The following SYT9 variants were observed in gnomAD, a reference collection of about 807,000 sequenced individuals.
The protein encoded by SYT9 is synaptotagmin-9.
A neutral mutation model predicts 48.4 loss-of-function variants in SYT9; 22 were observed. The observed-to-expected ratio is 0.45, with a 90% CI of 0.32 to 0.65. The LOEUF (loss-of-function observed/expected upper bound fraction) is 0.65. SYT9 is among the 30% of genes least tolerant of loss of function. The pLI is 0.03. For missense variants in SYT9, 577 were observed against 622.0 expected (o/e 0.93, Z 0.77); for synonymous variants, 265 against 245.0 (o/e 1.08, Z -0.76).
chr11:7,408,513 T>C (rs1467960304), intron 3 of SYT9, among the ~76,000 whole-genome samples: 1 of 152,220 alleles, frequency 6.6e-6, no homozygotes, highest in African/African-American at 2.4e-5. Flanking sequence ...CTTCAATTTC[T>C]TCATTAGTGT....
intron 1 of SYT9, among the ~76,000 whole-genome samples, chr11:7,286,497 C>A (rs903293063): frequency 2.0e-5 from 3 of 152,202 alleles, no homozygotes; most frequent in Non-Finnish European, 4.4e-5. Context: ...CTCTGACATG[C>A]CTTGGAGACA....
chr11:7,269,528 C>A (rs1486796364), intron 1 of SYT9, among the ~76,000 whole-genome samples: 1 of 152,076 alleles, frequency 6.6e-6, no homozygotes, highest in Non-Finnish European at 1.5e-5. Context: ...TTCTTTCTGT[C>A]TTTCTATGTT....
Position 7,252,004 on chromosome 11 carries a change from T to G in SYT9, c.-183T>G, listed in dbSNP as rs1847876240. The G allele has an allele frequency of 1.8e-6, 1 of 559,562 alleles. No homozygotes were observed. 34.7% of individuals were successfully genotyped at this position (559,562 alleles called of 1,614,324 possible). A position where few individuals can be genotyped will look rare whatever the true frequency, so the allele number is the denominator to read the frequency against. The stretch of plus-strand genomic sequence containing the variant: ...CCTGACCGACCGGCTGGCGAAGAGC[T>G]GCATGCAACCGGTGGGAGGCCGGGC... On this transcript the variant is annotated 5_prime_UTR_variant, in exon 1 of 7. Coordinates refer to ENST00000318881, the MANE Select transcript of SYT9 (RefSeq NM_175733.4). This position sits in a 1 kb window ranked among gnomAD's most constrained non-coding sequence, Gnocchi z 6.3.
At position 7,303,379 on chromosome 11, in the gene SYT9, C is replaced by T. The variant is rs1848970798; in HGVS notation, c.486C>T (p.Thr162=). 14 of 1,607,346 alleles carry T rather than the reference C, an allele frequency of 8.7e-6. 1 individual carries two copies. The highest frequency in any genetic ancestry group is 3.3e-4 in the Middle Eastern group (2 of 6,046). ...TGCAGCGCCAAGTCACAGAGCCAAC[C>T]TCGTCGGCCCGGTCAGTAATGCCTT... The part of the protein sequence containing the change: ...VRVQRQVTEP[T]SSARHNSIRR... Residue 162 remains threonine (T), a synonymous_variant, in exon 2 of 7, where the codon ACC becomes ACT. Coordinates refer to ENST00000318881, the MANE Select transcript of SYT9 (RefSeq NM_175733.4).
intron 1 of SYT9, among the ~76,000 whole-genome samples, chr11:7,271,437 G>A (rs894963050): frequency 6.6e-6 from 1 of 152,200 alleles, no homozygotes. Flanking sequence ...GTACCAAGAT[G>A]TGTCCCAGGT....
At chr11:7,374,260 T>A (rs539072845) in intron 3 of SYT9, among the ~76,000 whole-genome samples, 1 of 152,332 alleles carries the variant, frequency 6.6e-6, no homozygotes, top group South Asian at 2.1e-4. Context: ...CTCATTCTTT[T>A]TTATGGATAT....
chr11:7,369,496 G>A (rs1451099552), intron 3 of SYT9, among the ~76,000 whole-genome samples: 1 of 152,044 alleles, frequency 6.6e-6, no homozygotes, highest in African/African-American at 2.4e-5. Context: ...TATTCCATTT[G>A]TCAGTTTTGG....
At chr11:7,438,919 C>T (rs1382777677) in intron 6 of SYT9, 1 of 152,284 alleles carries the variant, frequency 6.6e-6, no homozygotes, top group Non-Finnish European at 1.5e-5. Flanking sequence ...GCTAAGTCCT[C>T]TCCTCCCAGA....
At chr11:7,340,945 C>T (rs761320130) in intron 3 of SYT9, among the ~76,000 whole-genome samples, 1 of 152,170 alleles carries the variant, frequency 6.6e-6, no homozygotes, top group Non-Finnish European at 1.5e-5. Flanking sequence ...TGCTCCAGTT[C>T]CTACTCACCT....
At chr11:7,424,392 G>A (rs1847415198) in intron 6 of SYT9, among the ~76,000 whole-genome samples, 1 of 152,140 alleles carries the variant, frequency 6.6e-6, no homozygotes, top group African/African-American at 2.4e-5. Flanking sequence ...AGCTCTAAGA[G>A]CTCCCTTAGC....
At chr11:7,241,923 A>G (rs1430163910) in intron 1 of SYT9, among the ~76,000 whole-genome samples, 4 of 152,232 alleles carry the variant, frequency 2.6e-5, no homozygotes, top group Non-Finnish European at 4.4e-5. Context: ...ATGGGTTCCC[A>G]TTTCTATTCC....
At chr11:7,323,202 A>G (rs1849367946) in intron 3 of SYT9, among the ~76,000 whole-genome samples, 1 of 152,136 alleles carries the variant, frequency 6.6e-6, no homozygotes, top group African/African-American at 2.4e-5. Flanking sequence ...TGTAAAGTAT[A>G]TACCTAGGAA....
intron 3 of SYT9, among the ~76,000 whole-genome samples, chr11:7,345,543 C>A (rs1464244936): frequency 6.6e-6 from 1 of 152,076 alleles, no homozygotes; most frequent in Non-Finnish European, 1.5e-5. Flanking sequence ...TGAGCAAACT[C>A]CAGATGTTGG....
At chr11:7,299,444 A>AT (rs1417956562) in intron 1 of SYT9, among the ~76,000 whole-genome samples, 1 of 151,794 alleles carries the variant, frequency 6.6e-6, no homozygotes. Flanking sequence ...TCCTATAGGC[A>AT]TTTCTCTCTG....
intron 1 of SYT9, among the ~76,000 whole-genome samples, chr11:7,268,401 T>A (rs1173379407): frequency 1.3e-5 from 2 of 151,994 alleles, no homozygotes; most frequent in African/African-American, 4.8e-5. Context: ...TAATTTACTT[T>A]GTGAGGCTAG....
At chr11:7,401,692 C>T (rs1052434436) in intron 3 of SYT9, among the ~76,000 whole-genome samples, 1 of 151,356 alleles carries the variant, frequency 6.6e-6, no homozygotes, top group Non-Finnish European at 1.5e-5. Flanking sequence ...ATAAAATTTC[C>T]TTATTATTTT....
intron 3 of SYT9, among the ~76,000 whole-genome samples, chr11:7,378,930 C>T (rs1018655570): frequency 7.9e-5 from 12 of 152,100 alleles, no homozygotes; most frequent in African/African-American, 2.2e-4. Flanking sequence ...CTTCAAAAGC[C>T]GATAAAACAC....
At chr11:7,449,362 C>T (rs990149095) in intron 6 of SYT9, among the ~76,000 whole-genome samples, 1 of 146,482 alleles carries the variant, frequency 6.8e-6, no homozygotes, top group African/African-American at 2.6e-5. Flanking sequence ...GGAGCAAAAG[C>T]GACAACCTTG....
chr11:7,305,607 A>G (rs1030588704), intron 2 of SYT9, among the ~76,000 whole-genome samples: 2 of 152,160 alleles, frequency 1.3e-5, no homozygotes, highest in Admixed American at 6.5e-5. Context: ...TTCGATACCC[A>G]TATTTGGGGA....
Sources: gnomAD v4.1 joint callset for allele counts (sites outside exome capture counted in the v4.1 genomes callset) on GRCh38, gnomAD v4.1.1 for gene constraint, Gnocchi (gnomAD v3.1) non-coding constraint, MANE v1.5 for transcripts, NCBI Gene and HGNC (gene_info 2026-07-23, HGNC 2026-07-21) for gene names.